Variants in ZNF778 observed in about 807,000 individuals in gnomAD.
ZNF778 encodes the protein zinc finger protein 778.
In ZNF778, 37 loss-of-function variants were observed where a neutral mutation model predicts 23.9. The observed-to-expected ratio is 1.54, with a 90% CI of 1.19 to 2.03. The LOEUF (loss-of-function observed/expected upper bound fraction) is 2.03. Ranked by LOEUF, ZNF778 falls within the 30% of genes most tolerant of loss-of-function variation. The pLI is 0.00. For missense variants in ZNF778, 1,297 were observed against 934.4 expected (o/e 1.39, Z -5.06); for synonymous variants, 483 against 343.9 (o/e 1.40, Z -4.48).
rs142208886 is a variant in ZNF778 at position 89,227,674 on chromosome 16, G to A, written c.1386G>A (p.Ser462=). 822 of 1,613,984 alleles carry A rather than the reference G, an allele frequency of 5.1e-4. 3 individuals are homozygous for A. In the East Asian group the frequency reaches 5.4e-3, roughly 11 times the overall value. The change falls in exon 7 of 7, where the codon TCG becomes TCA. Residue 462 remains serine, a synonymous_variant. Coordinates refer to ENST00000433976, the MANE Select transcript of ZNF778 (RefSeq NM_001201407.2). ...GCGGGAAAGCCTTCTGTACATCCTC[G>A]GGCCTTACTGAGCATGTAAGGACTC... ...KDCGKAFCTS[S]GLTEHVRTHT...
Position 89,227,716 on chromosome 16 carries a change from A to C in ZNF778, c.1428A>C (p.Pro476=). ...TAAGGACTCACACTGGAGAGAAACCATATGAATGTAAAGATTGTGGGAAAT... is the reference window on the plus strand; with the variant it reads ...TAAGGACTCACACTGGAGAGAAACCCTATGAATGTAAAGATTGTGGGAAAT... ...EHVRTHTGEK[P]YECKDCGKSF... The change falls in exon 7 of 7, where the codon CCA becomes CCC. Residue 476 remains proline, a synonymous_variant. Coordinates refer to ENST00000433976, the MANE Select transcript of ZNF778 (RefSeq NM_001201407.2). The C allele has an allele frequency of 6.2e-7, 1 of 1,613,574 alleles. No homozygotes were observed. Among genetic ancestry groups the C allele is most frequent in the Non-Finnish European group, 8.5e-7 (1 of 1,179,846 alleles).
In ZNF778 at chr16:89,228,429, A is replaced by T; in HGVS notation, c.2141A>T (p.Tyr714Phe). 6.2e-7 allele frequency: 1 copy of T among 1,614,000 alleles called. No individual in the cohort carries two copies. Among genetic ancestry groups the T allele is most frequent in the Non-Finnish European group, 8.5e-7 (1 of 1,179,874 alleles). ...TGTGGGAAAGCATACAATAGGTTTTATCTACTAAAAGAACATTTAAAAACT... is the reference window on the plus strand; with the variant it reads ...TGTGGGAAAGCATACAATAGGTTTTTTCTACTAAAAGAACATTTAAAAACT... Reference protein sequence around the residue: ...KECGKAYNRFYLLKEHLKTYT... With the variant: ...KECGKAYNRFFLLKEHLKTYT... The change falls in exon 7 of 7, where the codon TAT becomes TTT. Residue 714 changes from tyrosine to phenylalanine, a missense_variant. Physicochemically the swap from Tyr to Phe is conservative, Grantham distance 22. Transcript: ENST00000433976.
rs997502840 is a variant in ZNF778, at chr16:89,235,541, C to G, written c.*6979C>G. On this transcript the variant is annotated 3_prime_UTR_variant, in exon 7 of 7. Coordinates refer to ENST00000433976, the MANE Select transcript of ZNF778 (RefSeq NM_001201407.2). ...ACATGGTTTCAATAGAACTTGCCTC[C>G]TGAACCTGACTAGGTTACTCGCCTG... The G allele has an allele frequency of 6.6e-6, 1 of 152,182 alleles. No homozygotes were observed. Among genetic ancestry groups the G allele is most frequent in the Admixed American group, 6.5e-5 (1 of 15,272 alleles). The allele number at this position is 152,182 out of a possible 1,614,324, so 9.4% of individuals were successfully genotyped here.
chr16:89,224,228 T>C (rs1159304058), intron 4 of ZNF778, among the ~76,000 whole-genome samples: 4 of 151,576 alleles, frequency 2.6e-5, no homozygotes, highest in South Asian at 2.1e-4. Flanking sequence ...TGGCCACGCC[T>C]GTAATCCCAG....
chr16:89,229,267 C>G lies in ZNF778; in HGVS notation c.*705C>G, dbSNP rs2031771567. 1 of 985,394 alleles carries G rather than the reference C, an allele frequency of 1.0e-6. No homozygotes were observed. The highest frequency in any genetic ancestry group is 1.2e-6 in the Non-Finnish European group (1 of 830,100). The allele number at this position is 985,394 out of a possible 1,614,324, so 61.0% of individuals were successfully genotyped here. A position where few individuals can be genotyped will look rare whatever the true frequency, so the allele number is the denominator to read the frequency against. Reference sequence around the variant, plus strand: ...GATGTGATTCTTTGAGCAGCGTAGGCTCTGGTTGGTTAGTCTTGAGGATCC... The same window carrying G: ...GATGTGATTCTTTGAGCAGCGTAGGGTCTGGTTGGTTAGTCTTGAGGATCC... On this transcript the variant is annotated 3_prime_UTR_variant, in exon 7 of 7. Transcript: ENST00000433976.
chr16:89,234,905 ACT>A lies in ZNF778; in HGVS notation c.*6346_*6347del, dbSNP rs2032194910. The A allele has an allele frequency of 6.6e-6, 1 of 151,932 alleles. No individual in the cohort carries two copies. Among genetic ancestry groups the A allele is most frequent in the Non-Finnish European group, 1.5e-5 (1 of 67,978 alleles). The allele number at this position is 151,932 out of a possible 1,614,324, so 9.4% of individuals were successfully genotyped here. ...CACTCCAGCCTGGCAACAGAGTGAG[ACT>A]CTGTCTCAAAAAAAAAGGAAAAATA... On this transcript the variant is annotated 3_prime_UTR_variant, in exon 7 of 7. Coordinates refer to ENST00000433976, the MANE Select transcript of ZNF778 (RefSeq NM_001201407.2).
In ZNF778 at chr16:89,233,088, CT is replaced by C. The variant is rs2032049926; in HGVS notation, c.*4527del. The C allele has an allele frequency of 1.4e-5, 7 of 486,078 alleles. No individual in the cohort carries two copies. The highest frequency in any genetic ancestry group is 3.9e-5 in the Admixed American group (1 of 25,728). The allele number at this position is 486,078 out of a possible 1,614,324, so 30.1% of individuals were successfully genotyped here. The stretch of plus-strand genomic sequence containing the variant: ...AACTCAGCTCGCACTGCGTATGCAA[CT>C]CAGCTCGCACTGCGTATGCAAGTCA... On this transcript the variant is annotated 3_prime_UTR_variant, in exon 7 of 7. Transcript: ENST00000433976.
intron 4 of ZNF778, 43 bp downstream of exon 4, chr16:89,223,326 C>CT (rs1467794904): frequency 5.6e-6 from 9 of 1,612,014 alleles, no homozygotes; most frequent in Non-Finnish European, 7.6e-6. Context: ...GGAACCAATA[C>CT]TTGATGTGTC....
intron 6 of ZNF778, 84 bp downstream of exon 6, chr16:89,225,715 A>C: frequency 8.1e-7 from 1 of 1,228,946 alleles, no homozygotes; most frequent in Non-Finnish European, 1.2e-6. Flanking sequence ...CAAAATTGAG[A>C]GAATTTAGAG....
At position 89,232,995 on chromosome 16, in the gene ZNF778, A is replaced by G. The variant is rs1364139842; in HGVS notation, c.*4433A>G. On this transcript the variant is annotated 3_prime_UTR_variant, in exon 7 of 7. Coordinates refer to ENST00000433976, the MANE Select transcript of ZNF778 (RefSeq NM_001201407.2). ...CAACTGAGCTCGCTCTGCGTATGCA[A>G]CCCAGCTCGCTCTGCGTATGCAACT... The G allele has an allele frequency of 1.6e-6, 2 of 1,262,254 alleles. No homozygotes were observed. The highest frequency in any genetic ancestry group is 1.6e-5 in the African/African-American group (1 of 63,888). The allele number at this position is 1,262,254 out of a possible 1,614,324, so 78.2% of individuals were successfully genotyped here.
chr16:89,223,402 T>G, intron 4 of ZNF778, 119 bp downstream of exon 4: 2 of 1,399,628 alleles, frequency 1.4e-6, no homozygotes, highest in East Asian at 2.3e-5. Flanking sequence ...ATATAACAAC[T>G]GTGCTAGTAG....
Position 89,223,400 on chromosome 16 carries a change from A to G in ZNF778, c.244+117A>G, listed in dbSNP as rs144657005. ...ACCACGGGAAGTAAGAGATATAACA[A>G]CTGTGCTAGTAGGCTTGGTGCTAGT... is the stretch of plus-strand genomic sequence containing the variant. On this transcript the variant is annotated intron_variant, in intron 4 of 6. Transcript: ENST00000433976. 8.9e-4 allele frequency: 1,259 copies of G among 1,414,008 alleles called. 7 individuals are homozygous for G. The East Asian group carries it at 0.018, about 21-fold the overall frequency. The allele number at this position is 1,414,008 out of a possible 1,614,324, so 87.6% of individuals were successfully genotyped here. A position where few individuals can be genotyped will look rare whatever the true frequency, so the allele number is the denominator to read the frequency against.
At position 89,235,099 on chromosome 16, in the gene ZNF778, T is replaced by C. The variant is rs946354130; in HGVS notation, c.*6537T>C. 3 of 152,186 alleles carry C rather than the reference T, an allele frequency of 2.0e-5. No individual in the cohort carries two copies. The highest frequency in any genetic ancestry group is 7.2e-5 in the African/African-American group (3 of 41,436). The allele number at this position is 152,186 out of a possible 1,614,324, so 9.4% of individuals were successfully genotyped here. On this transcript the variant is annotated 3_prime_UTR_variant, in exon 7 of 7. Coordinates refer to ENST00000433976, the MANE Select transcript of ZNF778 (RefSeq NM_001201407.2). ...TTGGAGTTGATTTTTGTTGACCGTA[T>C]CTGTAGAGTGTAATGTCATTTTTCC...
chr16:89,230,250 G>C lies in ZNF778; in HGVS notation c.*1688G>C, dbSNP rs1450012002. On this transcript the variant is annotated 3_prime_UTR_variant, in exon 7 of 7. Transcript: ENST00000433976. ...TGGAGAGGGGCGAGGTCTGTACCCT[G>C]AGATGCCCCCGTTTCATGGCCGTGG... 5.0e-6 allele frequency: 1 copy of C among 201,224 alleles called. No individual in the cohort carries two copies. The highest frequency in any genetic ancestry group is 1.9e-4 in the East Asian group (1 of 5,384). 12.5% of individuals were successfully genotyped at this position (201,224 alleles called of 1,614,324 possible).
At position 89,228,695 on chromosome 16, in the gene ZNF778, G is replaced by A. The variant is rs933038823; in HGVS notation, c.*133G>A. ...GCATCTCATCACAACCCGGCAGGCA[G>A]GAACTCACCCTGGAGCCCTATGCAG... On this transcript the variant is annotated 3_prime_UTR_variant, in exon 7 of 7. Transcript: ENST00000433976. 9 of 1,466,946 alleles carry A rather than the reference G, an allele frequency of 6.1e-6. No homozygotes were observed. Among genetic ancestry groups the A allele is most frequent in the South Asian group, 3.0e-5 (2 of 67,754 alleles). 90.9% of individuals were successfully genotyped at this position (1,466,946 alleles called of 1,614,324 possible). A position where few individuals can be genotyped will look rare whatever the true frequency, so the allele number is the denominator to read the frequency against.
chr16:89,218,742 G>C (rs892247921), intron 1 of ZNF778, among the ~76,000 whole-genome samples: 1 of 152,276 alleles, frequency 6.6e-6, no homozygotes, highest in Non-Finnish European at 1.5e-5. Flanking sequence ...AGTGAGCCGA[G>C]ATGGCGCCAC....
chr16:89,222,595 C>G (rs1055402948), intron 3 of ZNF778, among the ~76,000 whole-genome samples: 19 of 152,228 alleles, frequency 1.2e-4, no homozygotes, highest in Non-Finnish European at 1.0e-4. Flanking sequence ...AACTGCTGAT[C>G]TCAAGTGATC....
intron 3 of ZNF778, 103 bp from the exon 4 acceptor site, chr16:89,223,054 G>C (rs1056738988): frequency 7.2e-7 from 1 of 1,380,786 alleles, no homozygotes; most frequent in African/African-American, 1.5e-5. Flanking sequence ...GTAGACAGTA[G>C]GAGGCCTCAC....
At chr16:89,222,771 T>C (rs1394465202) in intron 3 of ZNF778, among the ~76,000 whole-genome samples, 2 of 152,258 alleles carry the variant, frequency 1.3e-5, no homozygotes, top group Admixed American at 6.5e-5. Context: ...TGGGAACTTA[T>C]TTCCACATCA....
Sources: allele counts gnomAD v4.1 joint callset (sites outside exome capture counted in the v4.1 genomes callset), GRCh38; gene constraint gnomAD v4.1.1; transcripts MANE v1.5; gene names NCBI Gene and HGNC (gene_info 2026-07-23, HGNC 2026-07-21).